AGBL2: variants seen among roughly 807,000 people sequenced by gnomAD.
AGBL2 encodes the protein cytosolic carboxypeptidase 2.
AGBL2 carries 87 observed loss-of-function variants against 103.0 expected under a neutral mutation model. The ratio of observed to expected loss-of-function variants is 0.84; its 90% CI spans 0.71 to 1.01. The LOEUF (loss-of-function observed/expected upper bound fraction) is 1.01. Ranked by LOEUF, AGBL2 falls within the 50% of genes least tolerant of loss-of-function variation. AGBL2 has a pLI of 0.00. For synonymous variants in AGBL2, 335 were observed against 356.7 expected, an observed-to-expected ratio of 0.94 and a Z score of 0.69; for missense variants, 904 against 1,023.5, an observed-to-expected ratio of 0.88 and a Z score of 1.59.
Position 47,690,834 on chromosome 11 carries a change from G to A in AGBL2, c.873C>T (p.Thr291=), listed in dbSNP as rs752911889. ...TGTTAGTGTAGAGGTCAGTTCGCAA[G>A]GTGAGTTCATACTCATAGGTGTCTC... The part of the protein sequence containing the change: ...VRVDTYEYEL[T]LRTDLYTNKH... Residue 291 remains threonine (T), a synonymous_variant, in exon 10 of 19, where the codon ACC becomes ACT. Coordinates refer to ENST00000525123, the MANE Select transcript of AGBL2 (RefSeq NM_024783.4). 1 of 1,611,516 alleles carries A rather than the reference G, an allele frequency of 6.2e-7. No homozygotes were observed. Among genetic ancestry groups the A allele is most frequent in the Non-Finnish European group, 8.5e-7 (1 of 1,179,900 alleles).
intron 8 of AGBL2, among the ~76,000 whole-genome samples, chr11:47,698,432 A>T (rs1206342294): frequency 1.3e-5 from 2 of 152,190 alleles, no homozygotes; most frequent in South Asian, 4.1e-4. Context: ...TCGGCCTCCC[A>T]AAGTGCTGGG....
chr11:47,700,135 T>G (rs1163608892), intron 7 of AGBL2, among the ~76,000 whole-genome samples: 1 of 152,080 alleles, frequency 6.6e-6, no homozygotes, highest in South Asian at 2.1e-4. Context: ...TTTTGTATTT[T>G]TAGTAGAGAC....
intron 14 of AGBL2, among the ~76,000 whole-genome samples, chr11:47,669,488 G>C (rs1170878559): frequency 6.6e-6 from 1 of 151,730 alleles, no homozygotes; most frequent in African/African-American, 2.4e-5. Context: ...GAGACCACCC[G>C]GACTAACATG....
chr11:47,682,002 T>G lies in AGBL2; in HGVS notation c.1882A>C (p.Thr628Pro), dbSNP rs983749613. Residue 628 changes from threonine to proline, a missense_variant, in exon 12 of 19, where the codon ACC becomes CCC. Thr to Pro is a conservative substitution (Grantham distance 38). Transcript: ENST00000525123. The part of the protein sequence containing the change: ...MWRMGILNSY[T>P]MESTFGGSTL... ...GACCCGCCAAAGGTAGACTCCATGGTGTAGCTGTTTAGGATTCCCATCCGC... is the reference window on the plus strand; with the variant it reads ...GACCCGCCAAAGGTAGACTCCATGGGGTAGCTGTTTAGGATTCCCATCCGC... 2.7e-5 allele frequency: 43 copies of G among 1,614,046 alleles called. No individual in the cohort carries two copies. Among genetic ancestry groups the G allele is most frequent in the Non-Finnish European group, 3.6e-5 (43 of 1,180,032 alleles).
At chr11:47,679,897 C>A (rs1398309867) in intron 13 of AGBL2, 76 bp downstream of exon 13, 16 of 947,240 alleles carry the variant, frequency 1.7e-5, no homozygotes, top group Non-Finnish European at 2.7e-5. Flanking sequence ...CCACTTCAGC[C>A]TCCCAAAGTG....
rs1352001786 is a variant in AGBL2 at position 47,684,506 on chromosome 11, A to G, written c.1788+1387T>C. Among the ~76,000 whole-genome samples, 4 of 151,464 alleles carry G rather than the reference A, an allele frequency of 2.6e-5. 1 individual carries two copies. The highest frequency in any genetic ancestry group is 9.7e-5 in the African/African-American group (4 of 41,244). ...GGGAGATGGAGGTTGCAGTGAGCCGAGATCGCGCCACTGCACTCCATCCTG... is the reference window on the plus strand; with the variant it reads ...GGGAGATGGAGGTTGCAGTGAGCCGGGATCGCGCCACTGCACTCCATCCTG... On this transcript the variant is annotated intron_variant, in intron 11 of 18. Transcript: ENST00000525123.
chr11:47,710,298 A>G (rs946044319), intron 4 of AGBL2, 79 bp downstream of exon 4: 67 of 1,578,518 alleles, frequency 4.2e-5, no homozygotes, highest in Non-Finnish European at 5.8e-5. Context: ...CTCCCATGTT[A>G]GAGCAGATTC....
chr11:47,705,843 G>T (rs1254409359), intron 5 of AGBL2, 21 bp downstream of exon 5: 1 of 1,611,352 alleles, frequency 6.2e-7, no homozygotes, highest in Admixed American at 1.7e-5. Context: ...GAATCTTCTG[G>T]TCTGGAAGGA....
intron 11 of AGBL2, among the ~76,000 whole-genome samples, chr11:47,682,957 A>G (rs552005551): frequency 6.6e-6 from 1 of 152,236 alleles, no homozygotes; most frequent in South Asian, 2.1e-4. Context: ...TTCCTGAAAG[A>G]AAGAAAAGAA....
At chr11:47,697,055 A>G (rs1315520337) in intron 8 of AGBL2, among the ~76,000 whole-genome samples, 3 of 150,890 alleles carry the variant, frequency 2.0e-5, no homozygotes, top group Non-Finnish European at 2.9e-5. Flanking sequence ...CAGCCCCCCA[A>G]GTAGCTGGGA....
At chr11:47,682,768 A>T (rs1428640957) in intron 11 of AGBL2, among the ~76,000 whole-genome samples, 1 of 152,114 alleles carries the variant, frequency 6.6e-6, no homozygotes, top group African/African-American at 2.4e-5. Context: ...TATCGTGCTA[A>T]AAAGATTTTG....
chr11:47,693,801 T>G (rs1341966505), intron 8 of AGBL2, among the ~76,000 whole-genome samples: 1 of 152,200 alleles, frequency 6.6e-6, no homozygotes, highest in Non-Finnish European at 1.5e-5. Context: ...CTTTCCCCAC[T>G]GAATATGTTA....
rs2097445155 is a variant in AGBL2, at chr11:47,691,504, G to A, written c.848+599C>T. The stretch of plus-strand genomic sequence containing the variant: ...GGGCAGATCGCGAAATCAGGAGATC[G>A]AGACCATCCTGGCTAACATGGTGAA... On this transcript the variant is annotated intron_variant, in intron 9 of 18. Coordinates refer to ENST00000525123, the MANE Select transcript of AGBL2 (RefSeq NM_024783.4). Among the ~76,000 whole-genome samples the A allele has an allele frequency of 1.3e-5, 2 of 149,070 alleles. 1 individual carries two copies. Among genetic ancestry groups the A allele is most frequent in the Admixed American group, 1.4e-4 (2 of 14,706 alleles).
intron 8 of AGBL2, among the ~76,000 whole-genome samples, chr11:47,696,145 G>A (rs892338738): frequency 1.4e-5 from 2 of 139,918 alleles, no homozygotes; most frequent in African/African-American, 5.4e-5. Flanking sequence ...GCAGTGCCAT[G>A]CACTCCAGCC....
chr11:47,665,257 G>C (rs895223831), intron 17 of AGBL2, among the ~76,000 whole-genome samples: 3 of 151,846 alleles, frequency 2.0e-5, no homozygotes, highest in African/African-American at 7.3e-5. Context: ...ATGTTGGCCA[G>C]GCTGGTCTTG....
At chr11:47,698,432 A>G (rs1206342294) in intron 8 of AGBL2, among the ~76,000 whole-genome samples, 1 of 152,190 alleles carries the variant, frequency 6.6e-6, no homozygotes, top group Non-Finnish European at 1.5e-5. Flanking sequence ...TCGGCCTCCC[A>G]AAGTGCTGGG....
At chr11:47,672,150 T>C (rs2097359525) in intron 14 of AGBL2, among the ~76,000 whole-genome samples, 1 of 152,162 alleles carries the variant, frequency 6.6e-6, no homozygotes, top group African/African-American at 2.4e-5. Context: ...GGGATCTCAC[T>C]ATGTTGACCA....
chr11:47,703,218 A>G (rs577926408), intron 7 of AGBL2, among the ~76,000 whole-genome samples: 1 of 152,270 alleles, frequency 6.6e-6, no homozygotes, highest in African/African-American at 2.4e-5. Context: ...AAAATACCAC[A>G]CAACCAAACA....
intron 11 of AGBL2, among the ~76,000 whole-genome samples, chr11:47,683,016 G>A (rs1278212627): frequency 6.6e-6 from 1 of 150,882 alleles, no homozygotes; most frequent in African/African-American, 2.4e-5. Flanking sequence ...GAAAGGAAAA[G>A]AAAGAAAGAA....
Sources: gnomAD v4.1 joint callset for allele counts (sites outside exome capture counted in the v4.1 genomes callset) on GRCh38, gnomAD v4.1.1 for gene constraint, MANE v1.5 for transcripts, NCBI Gene and HGNC (gene_info 2026-07-23, HGNC 2026-07-21) for gene names.